The following PKHD1 variants were observed in gnomAD, a reference collection of about 807,000 sequenced individuals.
PKHD1 encodes the protein fibrocystin.
A neutral mutation model predicts 412.0 loss-of-function variants in PKHD1; 291 were observed. That is an observed-to-expected ratio of 0.71 (90% CI 0.64 to 0.78). PKHD1 has a LOEUF of 0.78. PKHD1 is among the 30% of genes least tolerant of loss of function. The pLI is 0.00. For missense variants in PKHD1, 4,825 were observed against 4,950.7 expected, an observed-to-expected ratio of 0.97 and a Z score of 0.76; for synonymous variants, 1,777 against 1,821.5, an observed-to-expected ratio of 0.98 and a Z score of 0.62.
intron 19 of PKHD1, among the ~76,000 whole-genome samples, chr6:52,055,327 G>T (rs1268802581): frequency 6.6e-6 from 1 of 152,172 alleles, no homozygotes; most frequent in Non-Finnish European, 1.5e-5. Flanking sequence ...AGAGATCAAA[G>T]AAAATATTGT....
At chr6:52,049,374 A>T (rs1196285649) in intron 22 of PKHD1, among the ~76,000 whole-genome samples, 1 of 152,230 alleles carries the variant, frequency 6.6e-6, no homozygotes. Flanking sequence ...GACCACCATC[A>T]TATATTTGGT....
In PKHD1 at chr6:52,054,089, A is replaced by T. The variant is rs181546197; in HGVS notation, c.1913T>A (p.Met638Lys). The change falls in exon 20 of 67, where the codon ATG (methionine) becomes AAG (lysine). Residue 638 changes from methionine (M) to lysine (K), a missense_variant. Physicochemically the swap from Met to Lys is moderately conservative, Grantham distance 95. Coordinates refer to ENST00000371117, the MANE Select transcript of PKHD1 (RefSeq NM_138694.4). ...IVSFTIGFQN[M>K]VKNTTCDWSL... ...CCAGTCACAGGTGGTATTCTTTACC[A>T]TGTTTTGAAAGCCGATTGTGAAGGA... The T allele has an allele frequency of 6.2e-7, 1 of 1,613,852 alleles. No individual in the cohort carries two copies. The highest frequency in any genetic ancestry group is 8.5e-7 in the Non-Finnish European group (1 of 1,179,878).
Position 51,744,446 on chromosome 6 carries a change from A to T in PKHD1, c.10095T>A (p.Pro3365=). ...TTTTAGGAAATACAGAAACTGGTGGAGGCAGACCCAGGGCTCTCCCATCCA... is the reference window on the plus strand; with the variant it reads ...TTTTAGGAAATACAGAAACTGGTGGTGGCAGACCCAGGGCTCTCCCATCCA... The part of the protein sequence containing the change: ...KDLDGRALGL[P]PPVSVFPKTE... Residue 3365 remains proline, a synonymous_variant, in exon 60 of 67, where the codon CCT becomes CCA. Transcript: ENST00000371117. The T allele has an allele frequency of 6.2e-7, 1 of 1,613,142 alleles. No homozygotes were observed. The highest frequency in any genetic ancestry group is 8.5e-7 in the Non-Finnish European group (1 of 1,179,106).
intron 16 of PKHD1, among the ~76,000 whole-genome samples, chr6:52,057,765 A>T (rs1808000539): frequency 6.6e-6 from 1 of 151,828 alleles, no homozygotes. Context: ...TTCTATGGTT[A>T]TTTGTGCACA....
At chr6:51,774,408 A>G (rs1312556872) in intron 54 of PKHD1, among the ~76,000 whole-genome samples, 1 of 152,042 alleles carries the variant, frequency 6.6e-6, no homozygotes, top group Non-Finnish European at 1.5e-5. Flanking sequence ...ATCTGTGGAT[A>G]GTCCTAACAG....
chr6:52,033,590 T>C (rs1581858158), intron 28 of PKHD1, among the ~76,000 whole-genome samples: 1 of 152,008 alleles, frequency 6.6e-6, no homozygotes, highest in African/African-American at 2.4e-5. Context: ...CACTCTTTCA[T>C]AGGATGTACT....
chr6:51,694,664 G>T (rs1362400555), intron 60 of PKHD1, among the ~76,000 whole-genome samples: 1 of 143,444 alleles, frequency 7.0e-6, no homozygotes, highest in Non-Finnish European at 1.5e-5. Context: ...CAAAGTGCTA[G>T]AATTACAGGC....
intron 46 of PKHD1, among the ~76,000 whole-genome samples, chr6:51,872,441 C>T (rs1308901093): frequency 2.6e-5 from 4 of 151,590 alleles, no homozygotes; most frequent in Non-Finnish European, 5.9e-5. Context: ...CAGAATCTCA[C>T]TCTGTTGCAC....
chr6:51,826,348 A>G (rs1411123810), intron 52 of PKHD1, among the ~76,000 whole-genome samples: 1 of 152,176 alleles, frequency 6.6e-6, no homozygotes, highest in African/African-American at 2.4e-5. Context: ...GTAATATACA[A>G]AATGTAACAG....
chr6:51,690,669 A>G (rs550883842), intron 60 of PKHD1, among the ~76,000 whole-genome samples: 1 of 152,324 alleles, frequency 6.6e-6, no homozygotes, highest in African/African-American at 2.4e-5. Flanking sequence ...TTAACTCAAG[A>G]TGGACTAAAG....
chr6:51,944,414 T>G (rs1481860687), intron 36 of PKHD1, among the ~76,000 whole-genome samples: 1 of 152,234 alleles, frequency 6.6e-6, no homozygotes, highest in Non-Finnish European at 1.5e-5. Flanking sequence ...TCTCTTCGCA[T>G]GGATGCGAGT....
chr6:51,622,029 T>C (rs1322961805), intron 66 of PKHD1: 1 of 152,208 alleles, frequency 6.6e-6, no homozygotes, highest in Non-Finnish European at 1.5e-5. Context: ...TGTTCCTCCA[T>C]GCCTCTTAGA....
intron 35 of PKHD1, among the ~76,000 whole-genome samples, chr6:51,977,987 C>A (rs1397564033): frequency 6.6e-6 from 1 of 152,092 alleles, no homozygotes; most frequent in Non-Finnish European, 1.5e-5. Flanking sequence ...CCATCCTCCC[C>A]GCAAAAAAAT....
At chr6:51,796,288 G>A (rs1375013435) in intron 52 of PKHD1, among the ~76,000 whole-genome samples, 10 of 152,002 alleles carry the variant, frequency 6.6e-5, no homozygotes, top group Non-Finnish European at 1.2e-4. Flanking sequence ...TCTACTTTAT[G>A]TGCAAGAGGT....
At chr6:51,773,539 A>G (rs553182632) in intron 54 of PKHD1, among the ~76,000 whole-genome samples, 40 of 151,454 alleles carry the variant, frequency 2.6e-4, no homozygotes, top group Non-Finnish European at 3.2e-4. Context: ...TAACTCAGAT[A>G]TTTATATTTA....
At chr6:52,002,085 A>G (rs1798470092) in intron 35 of PKHD1, among the ~76,000 whole-genome samples, 1 of 152,192 alleles carries the variant, frequency 6.6e-6, no homozygotes, top group Non-Finnish European at 1.5e-5. Flanking sequence ...AAGTTAAGAA[A>G]ATTTGCCCAA....
At chr6:52,057,019 A>G in intron 16 of PKHD1, 40 bp from the exon 17 acceptor site, 1 of 1,313,096 alleles carries the variant, frequency 7.6e-7, no homozygotes, top group South Asian at 1.2e-5. Flanking sequence ...TGATGGTGCT[A>G]ATTAAGCCAG....
At chr6:52,076,601 C>A (rs947308874) in intron 5 of PKHD1, among the ~76,000 whole-genome samples, 1 of 152,158 alleles carries the variant, frequency 6.6e-6, no homozygotes, top group Non-Finnish European at 1.5e-5. Flanking sequence ...ATTGTCCAAA[C>A]CTTGACAAGC....
chr6:51,860,118 G>A (rs1773953041), intron 48 of PKHD1, among the ~76,000 whole-genome samples: 1 of 152,192 alleles, frequency 6.6e-6, no homozygotes, highest in Non-Finnish European at 1.5e-5. Context: ...GCTTTCTGTA[G>A]TGCAATACAG....
Sources: gnomAD v4.1 joint callset for allele counts (sites outside exome capture counted in the v4.1 genomes callset) on GRCh38, gnomAD v4.1.1 for gene constraint, MANE v1.5 for transcripts, NCBI Gene and HGNC (gene_info 2026-07-23, HGNC 2026-07-21) for gene names.